HOXA10: variants seen among roughly 807,000 people sequenced by gnomAD.
HOXA10 encodes the protein homeobox protein Hox-A10.
In HOXA10, 12 loss-of-function variants were observed where a neutral mutation model predicts 29.7. The observed-to-expected ratio is 0.40, with a 90% CI of 0.26 to 0.65. The LOEUF is 0.65. HOXA10 is among the 30% of genes least tolerant of loss of function. The pLI is 0.37. For synonymous variants in HOXA10, 327 were observed against 280.7 expected (o/e 1.16, Z -1.65); for missense variants, 656 against 585.9 (o/e 1.12, Z -1.24).
chr7:27,172,491 T>G (rs1273380862), intron 1 of HOXA10: 4 of 420,440 alleles, frequency 9.5e-6, no homozygotes, highest in Non-Finnish European at 1.7e-5. Flanking sequence ...AACTTAACGC[T>G]TTTCTTTGCC....
Position 27,173,689 on chromosome 7 carries a change from G to A in HOXA10, c.618C>T (p.Ser206=), listed in dbSNP as rs371697417. 2 of 1,561,990 alleles carry A rather than the reference G, an allele frequency of 1.3e-6. No individual in the cohort carries two copies. Among genetic ancestry groups the A allele is most frequent in the Non-Finnish European group, 1.7e-6 (2 of 1,153,864 alleles). ...PPDGCALGTS[S]GVPVPGYFRL... ...GGAAGTAGCCAGGCACTGGCACCCC[G>A]CTGGAGGTGCCCAGGGCGCAGCCGT... The change falls in exon 1 of 2, where the codon AGC becomes AGT. Residue 206 remains serine, a synonymous_variant. Coordinates refer to ENST00000283921, the MANE Select transcript of HOXA10 (RefSeq NM_018951.4).
At position 27,173,977 on chromosome 7, in the gene HOXA10, G is replaced by A. The variant is rs1333396444; in HGVS notation, c.330C>T (p.Tyr110=). 2.0e-6 allele frequency: 3 copies of A among 1,527,452 alleles called. No homozygotes were observed. The highest frequency in any genetic ancestry group is 2.0e-5 in the Admixed American group (1 of 50,062). The allele number at this position is 1,527,452 out of a possible 1,614,324, so 94.6% of individuals were successfully genotyped here. Residue 110 remains tyrosine, a synonymous_variant, in exon 1 of 2, where the codon TAC becomes TAT. Coordinates refer to ENST00000283921, the MANE Select transcript of HOXA10 (RefSeq NM_018951.4). ...GGGLGPGAHG[Y]GPSPIDLWLD... ...GCCACAGGTCTATGGGCGAGGGCCC[G>A]TAGCCGTGCGCCCCGGGACCTAGAC...
In HOXA10 at chr7:27,173,841, A is replaced by C; in HGVS notation, c.466T>G (p.Ser156Ala). The change falls in exon 1 of 2, where the codon TCG (serine) becomes GCG (alanine). Residue 156 changes from serine to alanine, a missense_variant. Around this residue, in one of 2 missense-constraint regions of HOXA10, gnomAD observed 594 missense variants for 491.9 expected, o/e 1.21. Transcript: ENST00000283921. ...QPPQPAPQAT[S>A]CSFAQNIKEE... ...TTGATGTTCTGCGCGAAAGAGCACGAGGTGGCCTGCGGCGCTGGCTGGGGT... is the reference window on the plus strand; with the variant it reads ...TTGATGTTCTGCGCGAAAGAGCACGCGGTGGCCTGCGGCGCTGGCTGGGGT... 6.2e-7 allele frequency: 1 copy of C among 1,609,506 alleles called. No individual in the cohort carries two copies. The highest frequency in any genetic ancestry group is 8.5e-7 in the Non-Finnish European group (1 of 1,178,112).
Position 27,170,715 on chromosome 7 carries a change from GAACT to G in HOXA10, c.*1180_*1183del, listed in dbSNP as rs1225599198. The G allele has an allele frequency of 1.6e-5, 7 of 439,962 alleles. No individual in the cohort carries two copies. The highest frequency in any genetic ancestry group is 3.1e-5 in the Non-Finnish European group (7 of 222,696). 27.3% of individuals were successfully genotyped at this position (439,962 alleles called of 1,614,324 possible). A position where few individuals can be genotyped will look rare whatever the true frequency, so the allele number is the denominator to read the frequency against. On this transcript the variant is annotated 3_prime_UTR_variant, in exon 2 of 2. Transcript: ENST00000283921. ...TTAAGATTAGAAGTAAATAGAGCTA[GAACT>G]AACATTTATAATAACGATAGAATGC...
chr7:27,174,640 G>A (rs1049728329), upstream of HOXA10: 46 of 381,360 alleles, frequency 1.2e-4, no homozygotes, highest in African/African-American at 8.7e-4. Flanking sequence ...GGGCCCTTGG[G>A]CCCCGCGCAG....
upstream of HOXA10, among the ~76,000 whole-genome samples, chr7:27,178,750 C>A (rs186971043): frequency 1.2e-4 from 18 of 152,200 alleles, no homozygotes; most frequent in East Asian, 3.1e-3. Flanking sequence ...CCACTCACCA[C>A]GCACTGTATA....
Position 27,173,471 on chromosome 7 carries a change from G to C in HOXA10, c.836C>G (p.Ala279Gly). 1 of 1,576,662 alleles carries C rather than the reference G, an allele frequency of 6.3e-7. No individual in the cohort carries two copies. Among genetic ancestry groups the C allele is most frequent in the Non-Finnish European group, 8.6e-7 (1 of 1,164,508 alleles). ...ALDSPPPPTLACGSGGGSQGD... is the reference protein window; with the variant it reads ...ALDSPPPPTLGCGSGGGSQGD... ...CTGCGAGCCCCCGCCGCTGCCGCAA[G>C]CCAGCGTGGGGGGCGGCGGCGAATC... Residue 279 changes from alanine to glycine, a missense_variant, in exon 1 of 2, where the codon GCT becomes GGT. Ala to Gly is a moderately conservative substitution (Grantham distance 60, BLOSUM62 0). Coordinates refer to ENST00000283921, the MANE Select transcript of HOXA10 (RefSeq NM_018951.4).
In HOXA10 at chr7:27,173,340, C is replaced by T; in HGVS notation, c.958+9G>A. 6.2e-7 allele frequency: 1 copy of T among 1,611,814 alleles called. No individual in the cohort carries two copies. Among genetic ancestry groups the T allele is most frequent in the Non-Finnish European group, 8.5e-7 (1 of 1,179,722 alleles). On this transcript the variant is annotated intron_variant, in intron 1 of 1. Transcript: ENST00000283921. ...CCGCCTGACTGCAGCCCTCTGCAGC[C>T]CTGCTTACCCAGGGAATCCTTCTCC...
intron 1 of HOXA10, among the ~76,000 whole-genome samples, chr7:27,179,344 A>G (rs929175581): frequency 2.2e-5 from 3 of 134,618 alleles, no homozygotes; most frequent in African/African-American, 8.3e-5. Context: ...ACAACCCCCT[A>G]TCGCAGCACA....
At chr7:27,176,882 A>T (rs1403564851), upstream of HOXA10, among the ~76,000 whole-genome samples, 1 of 152,226 alleles carries the variant, frequency 6.6e-6, no homozygotes, top group African/African-American at 2.4e-5. Flanking sequence ...AAAAATGCAT[A>T]TCTGTATATT....
upstream of HOXA10, among the ~76,000 whole-genome samples, chr7:27,176,988 C>T (rs550850657): frequency 8.6e-4 from 131 of 152,340 alleles, no homozygotes; most frequent in African/African-American, 3.0e-3. Context: ...GACTTGGGGG[C>T]CCTGCCAATT....
At chr7:27,174,322 T>C, upstream of HOXA10, 1 of 1,597,654 alleles carries the variant, frequency 6.3e-7, no homozygotes, top group Non-Finnish European at 8.5e-7. Context: ...GTGCAAAACA[T>C]GCTGAATACG....
In HOXA10 at chr7:27,170,809, A is replaced by AG. The variant is rs36075045; in HGVS notation, c.*1089dup. Reference sequence around the variant, plus strand: ...GACATTTATACAGATTTGTATTTATAGTTTTTTTCTTTTTCTGCATCTACA... The same window carrying AG: ...GACATTTATACAGATTTGTATTTATAGGTTTTTTTCTTTTTCTGCATCTACA... On this transcript the variant is annotated 3_prime_UTR_variant, in exon 2 of 2. Coordinates refer to ENST00000283921, the MANE Select transcript of HOXA10 (RefSeq NM_018951.4). 0.46 allele frequency: 208,801 copies of AG among 452,618 alleles called. 49,908 individuals are homozygous for AG. The highest frequency in any genetic ancestry group is 0.63 in the African/African-American group (31,444 of 49,874). 28.0% of individuals were successfully genotyped at this position (452,618 alleles called of 1,614,324 possible). A position where few individuals can be genotyped will look rare whatever the true frequency, so the allele number is the denominator to read the frequency against.
At chr7:27,177,935 C>G (rs1273323539), upstream of HOXA10, among the ~76,000 whole-genome samples, 1 of 152,214 alleles carries the variant, frequency 6.6e-6, no homozygotes, top group Non-Finnish European at 1.5e-5. Flanking sequence ...GGGTAATAAC[C>G]TGCCAGCCCT....
chr7:27,179,579 T>C (rs1420989965), intron 1 of HOXA10: 1 of 753,280 alleles, frequency 1.3e-6, no homozygotes. Flanking sequence ...AGAGCCCTGC[T>C]TAGACATCGG....
At chr7:27,174,327 AATACG>A, upstream of HOXA10, 1 of 1,597,496 alleles carries the variant, frequency 6.3e-7, no homozygotes. Context: ...AAACATGCTG[AATACG>A]ATTAGCAATC....
intron 1 of HOXA10, chr7:27,172,463 G>A: frequency 2.0e-6 from 1 of 504,190 alleles, no homozygotes; most frequent in Admixed American, 3.5e-5. Flanking sequence ...GGCCTGGGAG[G>A]GCAGGCTGTA....
At position 27,171,138 on chromosome 7, in the gene HOXA10, AATTTAGAGGTAAATGAAAC is replaced by A; in HGVS notation, c.*742_*760del. The A allele has an allele frequency of 2.2e-6, 1 of 453,284 alleles. No homozygotes were observed. Among genetic ancestry groups the A allele is most frequent in the Non-Finnish European group, 4.4e-6 (1 of 226,504 alleles). The allele number at this position is 453,284 out of a possible 1,614,324, so 28.1% of individuals were successfully genotyped here. Reference sequence around the variant, plus strand: ...TTATCTACAGCCAGAAGGATATGGAAATTTAGAGGTAAATGAAACATTTTAGTCAGGCAATGTAAGACCT... The same window carrying A: ...TTATCTACAGCCAGAAGGATATGGAAATTTTAGTCAGGCAATGTAAGACCT... On this transcript the variant is annotated 3_prime_UTR_variant, in exon 2 of 2. Transcript: ENST00000283921.
chr7:27,175,803 C>A (rs1040777552), upstream of HOXA10, among the ~76,000 whole-genome samples: 1 of 152,226 alleles, frequency 6.6e-6, no homozygotes, highest in Non-Finnish European at 1.5e-5. Flanking sequence ...AGGAAATAGA[C>A]CGCTCAGGCC....
Sources: gnomAD v4.1 joint callset for allele counts (sites outside exome capture counted in the v4.1 genomes callset) on GRCh38, gnomAD v4.1.1 for gene constraint, gnomAD v4.1.1 regional missense constraint, MANE v1.5 for transcripts, NCBI Gene and HGNC (gene_info 2026-07-23, HGNC 2026-07-21) for gene names.